The following ADGRL3 variants were observed in gnomAD, a reference collection of about 807,000 sequenced individuals.
ADGRL3 encodes adhesion G protein-coupled receptor L3.
ADGRL3 carries 62 observed loss-of-function variants against 153.5 expected under a neutral mutation model. That is an observed-to-expected ratio of 0.40 (90% CI 0.33 to 0.50). ADGRL3 has a LOEUF of 0.50. Among genes scored for constraint, ADGRL3 ranks in the 20% least tolerant of loss-of-function variants. ADGRL3 has a pLI of 0.47. For missense variants in ADGRL3, 1,641 were observed against 1,859.4 expected (o/e 0.88, Z 2.16); for synonymous variants, 710 against 672.5 (o/e 1.06, Z -0.86).
intron 5 of ADGRL3, among the ~76,000 whole-genome samples, chr4:61,607,390 A>T (rs2099036483): frequency 6.6e-6 from 1 of 152,172 alleles, no homozygotes; most frequent in South Asian, 2.1e-4. Flanking sequence ...CGAGGTCAGG[A>T]GTTCAAGACC....
chr4:61,255,804 G>T (rs1291750705), intron 1 of ADGRL3, among the ~76,000 whole-genome samples: 1 of 152,084 alleles, frequency 6.6e-6, no homozygotes, highest in East Asian at 1.9e-4. Context: ...GTTAGTGTAG[G>T]CAGGGTCCAA....
At chr4:61,556,972 A>T (rs941232579) in intron 4 of ADGRL3, among the ~76,000 whole-genome samples, 1 of 152,180 alleles carries the variant, frequency 6.6e-6, no homozygotes, top group Non-Finnish European at 1.5e-5. Flanking sequence ...CAGCACAAGA[A>T]TGTCTGGGCC....
chr4:61,630,444 G>A (rs1455358460), intron 5 of ADGRL3, among the ~76,000 whole-genome samples: 1 of 152,128 alleles, frequency 6.6e-6, no homozygotes, highest in Non-Finnish European at 1.5e-5. Context: ...ATGTTGTCCT[G>A]GGACAAAAAC....
chr4:61,318,302 A>C (rs544040578), intron 1 of ADGRL3, among the ~76,000 whole-genome samples: 5 of 152,008 alleles, frequency 3.3e-5, no homozygotes, highest in Non-Finnish European at 7.4e-5. Context: ...TGCTTCAACA[A>C]CTTTGGAGGA....
intron 8 of ADGRL3, among the ~76,000 whole-genome samples, chr4:61,739,454 G>A (rs931533903): frequency 1.3e-5 from 2 of 152,020 alleles, no homozygotes; most frequent in African/African-American, 4.8e-5. Context: ...ACCTCCCAAA[G>A]TGCTGGGATT....
chr4:61,747,678 C>G (rs1255939656), intron 8 of ADGRL3, among the ~76,000 whole-genome samples: 3 of 142,244 alleles, frequency 2.1e-5, no homozygotes, highest in African/African-American at 8.5e-5. Context: ...TAAAAACTCT[C>G]AATAAATTAG....
chr4:61,292,454 T>C (rs1312388756), intron 1 of ADGRL3, among the ~76,000 whole-genome samples: 2 of 152,192 alleles, frequency 1.3e-5, no homozygotes, highest in Non-Finnish European at 2.9e-5. Flanking sequence ...AGATTATTGT[T>C]CAGCTAGGTA....
At chr4:61,864,000 C>T (rs1441922516) in intron 9 of ADGRL3, among the ~76,000 whole-genome samples, 1 of 152,162 alleles carries the variant, frequency 6.6e-6, no homozygotes, top group African/African-American at 2.4e-5. Context: ...AAGGAAAATG[C>T]TCTCAAACAT....
intron 5 of ADGRL3, among the ~76,000 whole-genome samples, chr4:61,655,088 A>G (rs1257704840): frequency 1.3e-5 from 2 of 152,096 alleles, no homozygotes; most frequent in African/African-American, 2.4e-5. Flanking sequence ...ATTAAAATAT[A>G]ATAATATTGT....
chr4:62,018,535 C>T (rs527248160), intron 21 of ADGRL3, among the ~76,000 whole-genome samples: 2 of 152,074 alleles, frequency 1.3e-5, no homozygotes, highest in South Asian at 4.2e-4. Flanking sequence ...CTAGGAATGA[C>T]CAGATATTTT....
intron 4 of ADGRL3, among the ~76,000 whole-genome samples, chr4:61,583,263 G>T (rs1026111915): frequency 6.6e-6 from 1 of 151,904 alleles, no homozygotes; most frequent in East Asian, 2.0e-4. Context: ...ACTCTTGATC[G>T]GTCACCTACT....
chr4:61,756,523 A>G (rs1423559504), intron 8 of ADGRL3, among the ~76,000 whole-genome samples: 1 of 152,200 alleles, frequency 6.6e-6, no homozygotes, highest in African/African-American at 2.4e-5. Context: ...TTTTGGGCTG[A>G]GACGATGGGG....
chr4:61,618,761 A>G (rs1009156582), intron 5 of ADGRL3, among the ~76,000 whole-genome samples: 9 of 152,086 alleles, frequency 5.9e-5, no homozygotes, highest in Non-Finnish European at 1.0e-4. Context: ...CCATCACCCA[A>G]GCTGGAGTGT....
In ADGRL3 at chr4:61,684,447, A is replaced by G. The variant is rs1580268931; in HGVS notation, c.583+7512A>G. 2.6e-5 allele frequency among the ~76,000 whole-genome samples: 4 copies of G among 152,062 alleles called. No individual in the cohort carries two copies. The South Asian group carries it at 8.3e-4, about 31-fold the overall frequency. ...TGTTCCTGCTAATCTAATTCCTGTA[A>G]TGATCTAGGCTGGGACATCAAGACT... On this transcript the variant is annotated intron_variant, in intron 6 of 26. Transcript: ENST00000683033.
Position 61,935,017 on chromosome 4 carries a change from A to G in ADGRL3, c.2290A>G (p.Asn764Asp). 6.2e-7 allele frequency: 1 copy of G among 1,613,482 alleles called. No homozygotes were observed. Among genetic ancestry groups the G allele is most frequent in the East Asian group, 2.2e-5 (1 of 44,866 alleles). The change falls in exon 14 of 27, where the codon AAT (asparagine) becomes GAT (aspartate). Residue 764 changes from asparagine to aspartate, a missense_variant. This residue lies in a region of ADGRL3 where 734 missense variants were observed against 797.0 expected (regional missense o/e 0.92). Transcript: ENST00000683033. ...KTDIVRENTD[N>D]IKLEVARLST... ...TGACATTGTCAGGGAGAATACAGAC[A>G]ATATTAGTAAGTGGCCTTTGTTATT...
intron 9 of ADGRL3, among the ~76,000 whole-genome samples, chr4:61,847,591 TATATATA>T (rs1449683234): frequency 2.2e-5 from 2 of 92,904 alleles, no homozygotes; most frequent in South Asian, 2.8e-4. Context: ...TGTGTGTATA[TATATATA>T]ATATATAATA....
At chr4:62,001,921 T>C (rs780546662) in intron 21 of ADGRL3, among the ~76,000 whole-genome samples, 10 of 152,118 alleles carry the variant, frequency 6.6e-5, no homozygotes, top group Non-Finnish European at 1.5e-4. Flanking sequence ...TCAGTGTCTT[T>C]CTAAAACAAG....
At chr4:61,677,135 T>C (rs1232430117) in intron 6 of ADGRL3, 200 bp downstream of exon 6, 3 of 499,814 alleles carry the variant, frequency 6.0e-6, no homozygotes, top group Admixed American at 6.6e-5. Context: ...CGGCATTTAC[T>C]TGTGATTATT....
intron 4 of ADGRL3, among the ~76,000 whole-genome samples, chr4:61,574,555 C>G (rs1187120664): frequency 6.6e-6 from 1 of 151,612 alleles, no homozygotes; most frequent in Non-Finnish European, 1.5e-5. Flanking sequence ...CAACATCAAA[C>G]AAGAATCTTG....
Sources: gnomAD v4.1 joint callset for allele counts (sites outside exome capture counted in the v4.1 genomes callset) on GRCh38, gnomAD v4.1.1 for gene constraint, gnomAD v4.1.1 regional missense constraint, MANE v1.5 for transcripts, NCBI Gene and HGNC (gene_info 2026-07-23, HGNC 2026-07-21) for gene names.